Variants in FRY observed in about 807,000 individuals in gnomAD.
The protein encoded by FRY is protein furry homolog.
In FRY, 128 loss-of-function variants were observed where a neutral mutation model predicts 348.4. The observed-to-expected ratio is 0.37, with a 90% CI of 0.32 to 0.43. The LOEUF is 0.43. Among genes scored for constraint, FRY ranks in the 20% least tolerant of loss-of-function variants. FRY has a pLI of 1.00. For synonymous variants in FRY, 1,370 were observed against 1,374.7 expected (o/e 1.00, Z 0.08); for missense variants, 2,736 against 3,695.2 (o/e 0.74, Z 6.73).
chr13:32,100,492 A>G (rs1877082843), intron 2 of FRY, among the ~76,000 whole-genome samples: 1 of 152,136 alleles, frequency 6.6e-6, no homozygotes, highest in Non-Finnish European at 1.5e-5. Context: ...ATAGCATCAG[A>G]TTCTTTTTAT....
At chr13:32,292,064 C>T in intron 59 of FRY, 1 of 445,578 alleles carries the variant, frequency 2.2e-6, no homozygotes. Flanking sequence ...CTCACTGCAA[C>T]TGCCACCTCC....
chr13:32,079,767 A>G (rs891404241), intron 2 of FRY, among the ~76,000 whole-genome samples: 1 of 152,186 alleles, frequency 6.6e-6, no homozygotes, highest in Non-Finnish European at 1.5e-5. Flanking sequence ...GATTCAGATT[A>G]CTTGTTTTCT....
At chr13:32,289,920 G>T (rs1371118741) in intron 59 of FRY, among the ~76,000 whole-genome samples, 177 bp downstream of exon 59, 1 of 152,160 alleles carries the variant, frequency 6.6e-6, no homozygotes, top group Non-Finnish European at 1.5e-5. Context: ...ATTTTTAAAA[G>T]CAAAGTCAGG....
At chr13:32,245,521 A>G (rs1371144204) in intron 47 of FRY, among the ~76,000 whole-genome samples, 1 of 152,012 alleles carries the variant, frequency 6.6e-6, no homozygotes, top group Admixed American at 6.5e-5. Flanking sequence ...GGCTGGGGAG[A>G]GAGTTTCCCT....
chr13:32,288,226 C>G, intron 58 of FRY, among the ~76,000 whole-genome samples: 1 of 152,128 alleles, frequency 6.6e-6, no homozygotes, highest in East Asian at 1.9e-4. Flanking sequence ...TATTTATTTG[C>G]AAGTCTCTGG....
intron 11 of FRY, among the ~76,000 whole-genome samples, chr13:32,145,181 T>C (rs1375803433): frequency 1.3e-5 from 2 of 152,164 alleles, no homozygotes; most frequent in Non-Finnish European, 2.9e-5. Flanking sequence ...ACTAGTCTTG[T>C]ATGCCAGGCC....
chr13:32,272,548 C>T (rs74955854), intron 55 of FRY, among the ~76,000 whole-genome samples: 5,979 of 152,224 alleles, frequency 0.039, 157 homozygotes, highest in South Asian at 0.064. Context: ...ATACCAGCTA[C>T]GTGAGAGGCT....
At chr13:32,099,877 A>C (rs1877034305) in intron 2 of FRY, among the ~76,000 whole-genome samples, 1 of 151,996 alleles carries the variant, frequency 6.6e-6, no homozygotes, top group Admixed American at 6.6e-5. Context: ...AAGATGTAAT[A>C]ATTAAGGTGA....
Position 32,121,537 on chromosome 13 carries a change from T to C in FRY, c.465-2749T>C, listed in dbSNP as rs182602469. On this transcript the variant is annotated intron_variant, in intron 4 of 60. Transcript: ENST00000542859. ...TGCATTTCCCTGATCATTAGTCATG[T>C]TGAGATATTTTTTCATATGTTTGTT... Among the ~76,000 whole-genome samples, 3 of 152,242 alleles carry C rather than the reference T, an allele frequency of 2.0e-5. No individual in the cohort carries two copies. The East Asian group carries it at 5.8e-4, about 29-fold the overall frequency.
In FRY at chr13:32,237,545, C is replaced by T. The variant is rs1886284709; in HGVS notation, c.5977C>T (p.Arg1993Ter). 1.9e-6 allele frequency: 3 copies of T among 1,614,034 alleles called. No homozygotes were observed. Among genetic ancestry groups the T allele is most frequent in the Non-Finnish European group, 1.7e-6 (2 of 1,180,002 alleles). The stretch of plus-strand genomic sequence containing the variant: ...GCCCAAGAAGTTTGGTGTCATCGAC[C>T]GATCCTCTGACCCACCTCGAAGTGC... The part of the protein sequence containing the change: ...SVPKKFGVID[R>*]SSDPPRSATL... Residue 1993 changes from arginine to a stop codon, truncating the protein, a stop_gained, in exon 44 of 61, where the codon CGA becomes TGA. Transcript: ENST00000542859. LOFTEE classifies it high-confidence loss of function. The surrounding 1 kb of genome is among the most constrained non-coding windows in gnomAD (Gnocchi z 6.3).
intron 24 of FRY, 55 bp downstream of exon 24, chr13:32,183,089 T>TG (rs1171961111): frequency 1.9e-6 from 2 of 1,064,886 alleles, no homozygotes; most frequent in Non-Finnish European, 2.9e-6. Flanking sequence ...ATCATCTGAA[T>TG]TTAAATCAAA....
chr13:32,244,276 G>A, intron 47 of FRY, 94 bp downstream of exon 47: 1 of 1,166,594 alleles, frequency 8.6e-7, no homozygotes, highest in East Asian at 2.4e-5. Context: ...TGGGTGCCAG[G>A]CCACTCATTC....
intron 14 of FRY, among the ~76,000 whole-genome samples, chr13:32,153,049 G>A (rs1367615373): frequency 6.6e-6 from 1 of 152,110 alleles, no homozygotes; most frequent in African/African-American, 2.4e-5. Context: ...AAACCGAAAC[G>A]AGATGTACTG....
At chr13:32,201,119 G>C (rs562056722) in intron 29 of FRY, among the ~76,000 whole-genome samples, 1 of 152,288 alleles carries the variant, frequency 6.6e-6, no homozygotes, top group East Asian at 1.9e-4. Flanking sequence ...GCTTCCTTCT[G>C]TTCCTCTACT....
intron 46 of FRY, among the ~76,000 whole-genome samples, chr13:32,243,163 G>A (rs1886604116): frequency 6.6e-6 from 1 of 151,984 alleles, no homozygotes; most frequent in South Asian, 2.1e-4. Flanking sequence ...TGTCAATATT[G>A]GCATCATCTA....
chr13:32,171,234 A>G lies in FRY; in HGVS notation c.2115A>G (p.Lys705=). ...QWKLVIQTQG[K]VYEQANKIRN... Reference sequence around the variant, plus strand: ...AACTAGTCATCCAGACACAAGGAAAAGTCTATGAACAAGCCAACAAAATCA... The same window carrying G: ...AACTAGTCATCCAGACACAAGGAAAGGTCTATGAACAAGCCAACAAAATCA... Residue 705 remains lysine (K), a synonymous_variant, in exon 18 of 61, where the codon AAA becomes AAG. Coordinates refer to ENST00000542859, the MANE Select transcript of FRY (RefSeq NM_023037.3). 6.2e-7 allele frequency: 1 copy of G among 1,613,698 alleles called. No individual in the cohort carries two copies. The highest frequency in any genetic ancestry group is 8.5e-7 in the Non-Finnish European group (1 of 1,179,824).
chr13:32,201,493 A>G (rs1388729356), intron 29 of FRY, among the ~76,000 whole-genome samples: 1 of 152,216 alleles, frequency 6.6e-6, no homozygotes, highest in East Asian at 1.9e-4. Flanking sequence ...GGTACTTTGT[A>G]TGTTGTTCCT....
At chr13:32,268,496 AAAAAAAAAAATATATATATAT>A (rs1490897595) in intron 55 of FRY, among the ~76,000 whole-genome samples, 1 of 19,630 alleles carries the variant, frequency 5.1e-5, no homozygotes, top group African/African-American at 1.2e-4. Context: ...TAAAAAAAAA[AAAAAAAAAAATATATATATAT>A]ATATATATAT....
intron 58 of FRY, among the ~76,000 whole-genome samples, chr13:32,279,102 C>G (rs1888689802): frequency 1.3e-5 from 2 of 152,218 alleles, no homozygotes; most frequent in African/African-American, 4.8e-5. Context: ...GACAAGGCCT[C>G]TGCTCTTGTG....
Sources: gnomAD v4.1 joint callset for allele counts (sites outside exome capture counted in the v4.1 genomes callset) on GRCh38, gnomAD v4.1.1 for gene constraint, Gnocchi (gnomAD v3.1) non-coding constraint, MANE v1.5 for transcripts, NCBI Gene and HGNC (gene_info 2026-07-23, HGNC 2026-07-21) for gene names.